CCBE1: variants seen among roughly 807,000 people sequenced by gnomAD.
The protein encoded by CCBE1 is collagen and calcium-binding EGF domain-containing protein 1.
Under a neutral mutation model 50.0 loss-of-function variants are expected in CCBE1, and 37 were observed. That is an observed-to-expected ratio of 0.74 (90% confidence interval 0.57 to 0.97). The LOEUF (loss-of-function observed/expected upper bound fraction) is 0.97, where lower values mean the gene tolerates loss of function less well. CCBE1 is among the 50% of genes least tolerant of loss of function. The pLI is 0.00. For synonymous variants in CCBE1, 234 were observed against 203.7 expected, an observed-to-expected ratio of 1.15 and a Z score of -1.27; for missense variants, 538 against 523.8, an observed-to-expected ratio of 1.03 and a Z score of -0.26.
At chr18:59,492,443 G>C (rs528325777) in intron 2 of CCBE1, among the ~76,000 whole-genome samples, 3 of 152,222 alleles carry the variant, frequency 2.0e-5, no homozygotes, top group African/African-American at 7.2e-5. Context: ...TGGTCTTATG[G>C]ATTAGACTGA....
At chr18:59,527,062 G>C (rs1914853227) in intron 2 of CCBE1, among the ~76,000 whole-genome samples, 1 of 152,104 alleles carries the variant, frequency 6.6e-6, no homozygotes, top group African/African-American at 2.4e-5. Context: ...CAGAATCTTT[G>C]TTAATTTTCT....
chr18:59,611,505 G>A (rs576491623), intron 2 of CCBE1, among the ~76,000 whole-genome samples: 1 of 152,294 alleles, frequency 6.6e-6, no homozygotes, highest in African/African-American at 2.4e-5. Context: ...AGCACTTTGG[G>A]AGGCCAAGGT....
At chr18:59,512,632 G>A (rs1255233408) in intron 2 of CCBE1, among the ~76,000 whole-genome samples, 1 of 152,214 alleles carries the variant, frequency 6.6e-6, no homozygotes, top group African/African-American at 2.4e-5. Context: ...GCAGGCCCAG[G>A]GCAGGAAAGA....
At chr18:59,598,780 G>A (rs925673992) in intron 2 of CCBE1, among the ~76,000 whole-genome samples, 1 of 152,154 alleles carries the variant, frequency 6.6e-6, no homozygotes, top group Non-Finnish European at 1.5e-5. Flanking sequence ...GCTGGAGATC[G>A]GGCTCAATTC....
chr18:59,577,539 C>G (rs1293679139), intron 2 of CCBE1, among the ~76,000 whole-genome samples: 1 of 152,112 alleles, frequency 6.6e-6, no homozygotes, highest in Non-Finnish European at 1.5e-5. Context: ...ATTTGTCTGC[C>G]AGTAGAAAGA....
intron 2 of CCBE1, among the ~76,000 whole-genome samples, chr18:59,589,856 C>T (rs1307685634): frequency 6.8e-6 from 1 of 147,658 alleles, no homozygotes; most frequent in Admixed American, 6.7e-5. Flanking sequence ...CTAGGATGTA[C>T]TTCAGGAGTG....
chr18:59,624,699 A>T (rs2053756561), intron 2 of CCBE1, among the ~76,000 whole-genome samples: 1 of 152,202 alleles, frequency 6.6e-6, no homozygotes, highest in South Asian at 2.1e-4. Flanking sequence ...CCAAAAACAA[A>T]AACAAAAGAG....
chr18:59,600,094 G>T (rs1944978), intron 2 of CCBE1, among the ~76,000 whole-genome samples: 1,894 of 152,142 alleles, frequency 0.012, 15 homozygotes, highest in Non-Finnish European at 0.019. Context: ...AGATATTTTT[G>T]TTCCTTTAAA....
rs113383268 is a variant in CCBE1 at position 59,480,532 on chromosome 18, A to C, written c.213-294T>G. Among the ~76,000 whole-genome samples, 1,016 of 152,306 alleles carry C rather than the reference A, an allele frequency of 6.7e-3. 8 individuals are homozygous for C. The highest frequency in any genetic ancestry group is 0.023 in the African/African-American group (945 of 41,578). On this transcript the variant is annotated intron_variant, in intron 2 of 10. Coordinates refer to ENST00000439986, the MANE Select transcript of CCBE1 (RefSeq NM_133459.4). Reference sequence around the variant, plus strand: ...TCAAGATACTTATATTAAGCAATTAAAGGAGTATAGGGCATAAATAGGAAA... The same window carrying C: ...TCAAGATACTTATATTAAGCAATTACAGGAGTATAGGGCATAAATAGGAAA...
At chr18:59,557,512 C>G (rs1355587593) in intron 2 of CCBE1, among the ~76,000 whole-genome samples, 2 of 152,142 alleles carry the variant, frequency 1.3e-5, no homozygotes, top group African/African-American at 4.8e-5. Flanking sequence ...CCTTTGCAAT[C>G]CCCCCATTTC....
chr18:59,513,665 T>C (rs1022748558), intron 2 of CCBE1, among the ~76,000 whole-genome samples: 2 of 152,204 alleles, frequency 1.3e-5, no homozygotes, highest in East Asian at 1.9e-4. Flanking sequence ...ACAGAGAAGA[T>C]AGCTTCTGGC....
chr18:59,535,969 C>T (rs118109471), intron 2 of CCBE1, among the ~76,000 whole-genome samples: 2,150 of 152,262 alleles, frequency 0.014, 34 homozygotes, highest in Non-Finnish European at 0.023. Flanking sequence ...ATTACAGGCA[C>T]AAGCCACGGT....
chr18:59,464,653 C>T (rs1395153652), intron 5 of CCBE1, among the ~76,000 whole-genome samples: 1 of 152,232 alleles, frequency 6.6e-6, no homozygotes, highest in East Asian at 1.9e-4. Flanking sequence ...TTTGCATTTA[C>T]TTCCGACATA....
At chr18:59,567,925 T>A (rs1272589623) in intron 2 of CCBE1, among the ~76,000 whole-genome samples, 2 of 152,220 alleles carry the variant, frequency 1.3e-5, no homozygotes, top group African/African-American at 4.8e-5. Flanking sequence ...ATTTTTAAAT[T>A]GTTGTATTTT....
At chr18:59,554,949 A>G (rs2052635389) in intron 2 of CCBE1, among the ~76,000 whole-genome samples, 1 of 152,240 alleles carries the variant, frequency 6.6e-6, no homozygotes, top group Non-Finnish European at 1.5e-5. Context: ...TCTGGAGAGA[A>G]TAAAGCAGCA....
chr18:59,695,779 A>T (rs549144716), intron 2 of CCBE1, among the ~76,000 whole-genome samples: 1 of 152,332 alleles, frequency 6.6e-6, no homozygotes, highest in Admixed American at 6.5e-5. Context: ...GAGTCTCCAG[A>T]GACAGTCAGG....
intron 2 of CCBE1, among the ~76,000 whole-genome samples, chr18:59,660,952 T>C (rs1232021090): frequency 6.6e-6 from 1 of 152,138 alleles, no homozygotes; most frequent in Non-Finnish European, 1.5e-5. Flanking sequence ...AATACATCTT[T>C]GTAAACTATT....
At chr18:59,466,957 A>T (rs1911780876) in intron 4 of CCBE1, 66 bp from the exon 5 acceptor site, 2 of 1,412,122 alleles carry the variant, frequency 1.4e-6, no homozygotes, top group Non-Finnish European at 1.0e-6. Flanking sequence ...AACAGATGAC[A>T]TTGGGCTTTG....
chr18:59,696,601 G>A, intron 2 of CCBE1, 28 bp downstream of exon 2: 2 of 1,612,832 alleles, frequency 1.2e-6, no homozygotes, highest in Non-Finnish European at 8.5e-7. Context: ...GCGCAGTGGC[G>A]AACAGCCCGC....
Sources: allele counts gnomAD v4.1 joint callset (sites outside exome capture counted in the v4.1 genomes callset), GRCh38; gene constraint gnomAD v4.1.1; transcripts MANE v1.5; gene names NCBI Gene and HGNC (gene_info 2026-07-23, HGNC 2026-07-21).